SLFN13: variants seen among roughly 807,000 people sequenced by gnomAD.
SLFN13 encodes the protein schlafen family member 13.
A neutral mutation model predicts 50.6 loss-of-function variants in SLFN13; 43 were observed. The observed-to-expected ratio is 0.85, with a 90% CI of 0.67 to 1.09. The LOEUF (loss-of-function observed/expected upper bound fraction) is 1.09. Among genes scored for constraint, SLFN13 ranks in the 50% least tolerant of loss-of-function variants. SLFN13 has a pLI of 0.00. For missense variants in SLFN13, 881 were observed against 1,071.1 expected, an observed-to-expected ratio of 0.82 and a Z score of 2.48; for synonymous variants, 339 against 386.5, an observed-to-expected ratio of 0.88 and a Z score of 1.44.
At chr17:35,441,504 G>A in intron 5 of SLFN13, 59 bp downstream of exon 5, 1 of 1,608,610 alleles carries the variant, frequency 6.2e-7, no homozygotes, top group Non-Finnish European at 8.5e-7. Context: ...AGGTGACTTA[G>A]CAGAAAAAAT....
In SLFN13 at chr17:35,440,386, TG is replaced by T; in HGVS notation, c.*208del. On this transcript the variant is annotated 3_prime_UTR_variant, in exon 6 of 6. Coordinates refer to ENST00000285013, the MANE Select transcript of SLFN13 (RefSeq NM_144682.6). ...TGGCTGCAAGAGTCAGGGGTCAGAA[TG>T]GGGGGCAGCCACCACTGCTGAAAAG... is the stretch of plus-strand genomic sequence containing the variant. The T allele has an allele frequency of 1.6e-6, 1 of 620,906 alleles. No individual in the cohort carries two copies. Among genetic ancestry groups the T allele is most frequent in the Non-Finnish European group, 2.8e-6 (1 of 358,730 alleles). 38.5% of individuals were successfully genotyped at this position (620,906 alleles called of 1,614,324 possible). A position where few individuals can be genotyped will look rare whatever the true frequency, so the allele number is the denominator to read the frequency against.
rs147953074 is a variant in SLFN13 at position 35,444,787 on chromosome 17, G to T, written c.894C>A (p.Ile298=). The change falls in exon 3 of 6, where the codon ATC becomes ATA. Residue 298 remains isoleucine, a synonymous_variant. Coordinates refer to ENST00000285013, the MANE Select transcript of SLFN13 (RefSeq NM_144682.6). ...ACTCTTTCCCACAAAACACTTCTACGATTTTGGTGCTGTACTCTACCCGAG... is the reference window on the plus strand; with the variant it reads ...ACTCTTTCCCACAAAACACTTCTACTATTTTGGTGCTGTACTCTACCCGAG... ...SKPRVEYSTK[I]VEVFCGKELY... The T allele has an allele frequency of 2.3e-5, 37 of 1,614,036 alleles. No individual in the cohort carries two copies. The highest frequency in any genetic ancestry group is 3.1e-5 in the Non-Finnish European group (36 of 1,180,042).
In SLFN13 at chr17:35,445,513, T is replaced by C. The variant is rs568387218; in HGVS notation, c.168A>G (p.Ser56=). The C allele has an allele frequency of 2.5e-6, 4 of 1,614,208 alleles. No homozygotes were observed. Among genetic ancestry groups the C allele is most frequent in the African/African-American group, 1.3e-5 (1 of 75,050 alleles). Residue 56 remains serine, a synonymous_variant, in exon 3 of 6, where the codon TCA becomes TCG. Coordinates refer to ENST00000285013, the MANE Select transcript of SLFN13 (RefSeq NM_144682.6). ...TTTCCATCTGAATCACTCCTCCTCC[T>C]GAGTTTAATAAAGCACACGCGGCCC... is the stretch of plus-strand genomic sequence containing the variant. ...VIRAACALLN[S]GGGVIQMEMA... is the part of the protein sequence containing the mutation.
At position 35,435,630 on chromosome 17, in the gene SLFN13, T is replaced by C. The variant is rs983168983; in HGVS notation, c.*4965A>G. 1 of 152,026 alleles carries C rather than the reference T, an allele frequency of 6.6e-6. No homozygotes were observed. Among genetic ancestry groups the C allele is most frequent in the Non-Finnish European group, 1.5e-5 (1 of 68,006 alleles). 9.4% of individuals were successfully genotyped at this position (152,026 alleles called of 1,614,324 possible). On this transcript the variant is annotated 3_prime_UTR_variant, in exon 6 of 6. Transcript: ENST00000285013. The stretch of plus-strand genomic sequence containing the variant: ...TTCCCTTTGTTGATTTCCAAAAGTG[T>C]TTTTATACTTCTAAGTTGCTGAGAG...
chr17:35,440,926 A>G lies in SLFN13; in HGVS notation c.2363T>C (p.Ile788Thr). 1 of 1,613,932 alleles carries G rather than the reference A, an allele frequency of 6.2e-7. No homozygotes were observed. The highest frequency in any genetic ancestry group is 8.5e-7 in the Non-Finnish European group (1 of 1,179,994). Residue 788 changes from isoleucine to threonine, a missense_variant, in exon 6 of 6, where the codon ATA (isoleucine) becomes ACA (threonine). By Grantham distance (89) the Ile-to-Thr change is moderately conservative. Around this residue, in one of 5 missense-constraint regions of SLFN13, gnomAD observed 322 missense variants for 327.4 expected, o/e 0.98. Coordinates refer to ENST00000285013, the MANE Select transcript of SLFN13 (RefSeq NM_144682.6). Reference sequence around the variant, plus strand: ...GCAGGTGTCTGCCACATAGGTCACTATTTGCTCCAAAGTAAAGTTTTTAAT... The same window carrying G: ...GCAGGTGTCTGCCACATAGGTCACTGTTTGCTCCAAAGTAAAGTTTTTAAT... ...KIIKNFTLEQ[I>T]VTYVADTCRC...
chr17:35,448,183 C>CTAAT (rs1237924203), intron 1 of SLFN13: 2 of 152,124 alleles, frequency 1.3e-5, no homozygotes, highest in Admixed American at 1.3e-4. Flanking sequence ...CACACCCGGC[C>CTAAT]TAATTCTGCT....
Position 35,443,692 on chromosome 17 carries a change from C to A in SLFN13, c.1198+97G>T, listed in dbSNP as rs1034623313. The A allele has an allele frequency of 1.5e-5, 20 of 1,359,612 alleles. No homozygotes were observed. The East Asian group carries it at 4.7e-4, about 32-fold the overall frequency. The allele number at this position is 1,359,612 out of a possible 1,614,324, so 84.2% of individuals were successfully genotyped here. A position where few individuals can be genotyped will look rare whatever the true frequency, so the allele number is the denominator to read the frequency against. On this transcript the variant is annotated intron_variant, in intron 4 of 5. Transcript: ENST00000285013. ...GCTTGTGGCATTGTCACTGTGTACA[C>A]CTGGATCTGCAGGACACAATCTTTC...
In SLFN13 at chr17:35,438,836, TTTAGA is replaced by T. The variant is rs1912711745; in HGVS notation, c.*1754_*1758del. On this transcript the variant is annotated 3_prime_UTR_variant, in exon 6 of 6. Coordinates refer to ENST00000285013, the MANE Select transcript of SLFN13 (RefSeq NM_144682.6). Reference sequence around the variant, plus strand: ...TTATGCAAATATTTTATTGTTAGTATTTAGATTAGTGTTTTAGAATGTTTTGTAGA... The same window carrying T: ...TTATGCAAATATTTTATTGTTAGTATTTAGTGTTTTAGAATGTTTTGTAGA... 1.3e-5 allele frequency: 2 copies of T among 152,130 alleles called. No individual in the cohort carries two copies. The highest frequency in any genetic ancestry group is 2.9e-5 in the Non-Finnish European group (2 of 68,018). The allele number at this position is 152,130 out of a possible 1,614,324, so 9.4% of individuals were successfully genotyped here.
rs1434999163 is a variant in SLFN13, at chr17:35,444,910, C to T, written c.771G>A (p.Leu257=). ...GGTCAACCTGTTCTTTGGCACATCC[C>T]AGGACTTTCCTACTCTTATCATCCA... is the stretch of plus-strand genomic sequence containing the variant. ...IGVDDKSRKV[L]GCAKEQVDPD... is the part of the protein sequence containing the mutation. The change falls in exon 3 of 6, where the codon CTG becomes CTA. Residue 257 remains leucine (L), a synonymous_variant. Coordinates refer to ENST00000285013, the MANE Select transcript of SLFN13 (RefSeq NM_144682.6). The T allele has an allele frequency of 6.2e-7, 1 of 1,614,192 alleles. No individual in the cohort carries two copies. The highest frequency in any genetic ancestry group is 2.2e-5 in the East Asian group (1 of 44,886).
chr17:35,441,905 T>G lies in SLFN13; in HGVS notation c.1580A>C (p.Glu527Ala), dbSNP rs746830432. 6.8e-6 allele frequency: 11 copies of G among 1,609,910 alleles called. No individual in the cohort carries two copies. The Admixed American group carries it at 1.8e-4, about 27-fold the overall frequency. The stretch of plus-strand genomic sequence containing the variant: ...GTAATCCATCGGAGACACTGCAGCC[T>G]CCAAGGCCTCTGCGCTGCTCTCAGG... ...LSPESSAEAL[E>A]AAVSPMDYPA... Residue 527 changes from glutamate (E) to alanine (A), a missense_variant, in exon 5 of 6, where the codon GAG becomes GCG. Coordinates refer to ENST00000285013, the MANE Select transcript of SLFN13 (RefSeq NM_144682.6).
chr17:35,445,734 A>C (rs949194316), intron 2 of SLFN13, 41 bp from the exon 3 acceptor site: 2 of 1,436,946 alleles, frequency 1.4e-6, no homozygotes, highest in African/African-American at 2.9e-5. Flanking sequence ...TGATTAAAAA[A>C]TTGTTACAGG....
In SLFN13 at chr17:35,440,666, G is replaced by A. The variant is rs922431278; in HGVS notation, c.2623C>T (p.Pro875Ser). 1.2e-6 allele frequency: 2 copies of A among 1,613,970 alleles called. No homozygotes were observed. The highest frequency in any genetic ancestry group is 1.3e-5 in the African/African-American group (1 of 74,916). ...VFGIHPRTAD[P>S]AILPNILICL... ...ATCAGAATATTGGGTAAGATAGCTG[G>A]GTCAGCTGTCCTTGGATGGATCCCA... is the stretch of plus-strand genomic sequence containing the variant. The change falls in exon 6 of 6, where the codon CCA becomes TCA. Residue 875 changes from proline (P) to serine (S), a missense_variant. Pro to Ser is a moderately conservative substitution (Grantham distance 74). Transcript: ENST00000285013.
Position 35,437,264 on chromosome 17 carries a change from T to A in SLFN13, c.*3331A>T, listed in dbSNP as rs1403622135. Reference sequence around the variant, plus strand: ...TAGGATTCAGTGACACGATTATCGCTAACTACAGCCTTGAACTCCTGGAAT... The same window carrying A: ...TAGGATTCAGTGACACGATTATCGCAAACTACAGCCTTGAACTCCTGGAAT... On this transcript the variant is annotated 3_prime_UTR_variant, in exon 6 of 6. Coordinates refer to ENST00000285013, the MANE Select transcript of SLFN13 (RefSeq NM_144682.6). 1 of 152,104 alleles carries A rather than the reference T, an allele frequency of 6.6e-6. No homozygotes were observed. Among genetic ancestry groups the A allele is most frequent in the Non-Finnish European group, 1.5e-5 (1 of 68,026 alleles). 9.4% of individuals were successfully genotyped at this position (152,104 alleles called of 1,614,324 possible).
chr17:35,440,905 G>T lies in SLFN13; in HGVS notation c.2384C>A (p.Thr795Asn). 5 of 1,614,078 alleles carry T rather than the reference G, an allele frequency of 3.1e-6. No individual in the cohort carries two copies. Among genetic ancestry groups the T allele is most frequent in the Non-Finnish European group, 4.2e-6 (5 of 1,180,028 alleles). ...LEQIVTYVADTCRCFFERGYS... is the reference protein window; with the variant it reads ...LEQIVTYVADNCRCFFERGYS... ...GCCCCTTTCAAAGAAGCACCTGCAGGTGTCTGCCACATAGGTCACTATTTG... is the reference window on the plus strand; with the variant it reads ...GCCCCTTTCAAAGAAGCACCTGCAGTTGTCTGCCACATAGGTCACTATTTG... Residue 795 changes from threonine (T) to asparagine (N), a missense_variant, in exon 6 of 6, where the codon ACC (threonine) becomes AAC (asparagine). Physicochemically the swap from Thr to Asn is moderately conservative, Grantham distance 65. Around this residue, in one of 5 missense-constraint regions of SLFN13, gnomAD observed 322 missense variants for 327.4 expected, o/e 0.98. Coordinates refer to ENST00000285013, the MANE Select transcript of SLFN13 (RefSeq NM_144682.6).
intron 3 of SLFN13, 125 bp downstream of exon 3, chr17:35,444,490 G>C (rs2078383008): frequency 1.2e-6 from 1 of 836,786 alleles, no homozygotes; most frequent in African/African-American, 1.7e-5. Flanking sequence ...TCTATGAAAA[G>C]CATGGAGATT....
Position 35,441,297 on chromosome 17 carries a change from G to C in SLFN13, c.1992C>G (p.His664Gln). 6.2e-7 allele frequency: 1 copy of C among 1,613,598 alleles called. No individual in the cohort carries two copies. Among genetic ancestry groups the C allele is most frequent in the Non-Finnish European group, 8.5e-7 (1 of 1,179,862 alleles). The change falls in exon 6 of 6, where the codon CAC becomes CAG. Residue 664 changes from histidine (H) to glutamine (Q), a missense_variant. Physicochemically the swap from His to Gln is conservative, Grantham distance 24 (BLOSUM62 0). Around this residue, in one of 5 missense-constraint regions of SLFN13, gnomAD observed 322 missense variants for 327.4 expected, o/e 0.98. Transcript: ENST00000285013. ...AATTCTGAGCTTCGTCAATGACGAT[G>C]TGTTGAATGTGTTCAAATTTTTCTC... ...FLREKFEHIQ[H>Q]IVIDEAQNFR...
chr17:35,444,280 A>T (rs1172858315), intron 3 of SLFN13, among the ~76,000 whole-genome samples: 2 of 152,232 alleles, frequency 1.3e-5, no homozygotes, highest in Non-Finnish European at 2.9e-5. Context: ...AACCAACACT[A>T]GCTCTTGTCT....
Position 35,438,625 on chromosome 17 carries a change from T to G in SLFN13, c.*1970A>C, listed in dbSNP as rs1425931761. 6.6e-6 allele frequency: 1 copy of G among 152,144 alleles called. No individual in the cohort carries two copies. The highest frequency in any genetic ancestry group is 2.4e-5 in the African/African-American group (1 of 41,456). The allele number at this position is 152,144 out of a possible 1,614,324, so 9.4% of individuals were successfully genotyped here. On this transcript the variant is annotated 3_prime_UTR_variant, in exon 6 of 6. Transcript: ENST00000285013. ...TATTTTTCTCCTTATTTTGCTGATC[T>G]GTCAGATTTTGCTCAAGTTAGAAGA...
intron 1 of SLFN13, among the ~76,000 whole-genome samples, chr17:35,447,909 G>A (rs1453411971): frequency 6.6e-6 from 1 of 151,556 alleles, no homozygotes; most frequent in African/African-American, 2.4e-5. Flanking sequence ...TTGATACAAT[G>A]TCTTCCTGTG....
Sources: allele counts gnomAD v4.1 joint callset (sites outside exome capture counted in the v4.1 genomes callset), GRCh38; gene constraint gnomAD v4.1.1; regional missense constraint gnomAD v4.1.1; transcripts MANE v1.5; gene names NCBI Gene and HGNC (gene_info 2026-07-23, HGNC 2026-07-21).